Variants in WDR38 observed in about 807,000 individuals in gnomAD.
The protein encoded by WDR38 is WD repeat domain 38.
In WDR38, 37 loss-of-function variants were observed where a neutral mutation model predicts 36.6. That is an observed-to-expected ratio of 1.01 (90% CI 0.78 to 1.33). The LOEUF is 1.33. Ranked by LOEUF, WDR38 falls within the 40% of genes most tolerant of loss-of-function variation. The pLI, the probability that WDR38 is intolerant of heterozygous loss-of-function variation, is 0.00. For synonymous variants in WDR38, 164 were observed against 168.1 expected (o/e 0.98, Z 0.19); for missense variants, 411 against 414.6 (o/e 0.99, Z 0.07).
chr9:124,854,306 G>C lies in WDR38; in HGVS notation c.171G>C (p.Trp57Cys). ...AGACCCGGAGTGGGCAGCTGCTGTGGAGGCTGGGTGGCCACACAGGTGGGG... is the reference window on the plus strand; with the variant it reads ...AGACCCGGAGTGGGCAGCTGCTGTGCAGGCTGGGTGGCCACACAGGTGGGG... The part of the protein sequence containing the change: ...GWETRSGQLL[W>C]RLGGHTGPVK... The change falls in exon 2 of 9, where the codon TGG (tryptophan) becomes TGC (cysteine). Residue 57 changes from tryptophan (W) to cysteine (C), a missense_variant. Trp to Cys is a radical substitution (Grantham distance 215). Transcript: ENST00000373574. 1 of 1,613,896 alleles carries C rather than the reference G, an allele frequency of 6.2e-7. No individual in the cohort carries two copies. Among genetic ancestry groups the C allele is most frequent in the East Asian group, 2.2e-5 (1 of 44,866 alleles).
In WDR38 at chr9:124,857,402, G is replaced by GC. The variant is rs2131321623; in HGVS notation, c.807_808insC (p.Thr270HisfsTer30). On this transcript the variant is annotated frameshift_variant, in exon 8 of 9. Coordinates refer to ENST00000373574, the MANE Select transcript of WDR38 (RefSeq NM_001045476.3). LOFTEE classifies it low-confidence loss of function (END_TRUNC). The stretch of plus-strand genomic sequence containing the variant: ...ACTGCAACACAGGAAAGTGCCTTGA[G>GC]ACCCTGAAGGTAAGGCACGGCGCTG... 1 of 1,614,142 alleles carries GC rather than the reference G, an allele frequency of 6.2e-7. No homozygotes were observed. Among genetic ancestry groups the GC allele is most frequent in the East Asian group, 2.2e-5 (1 of 44,866 alleles).
intron 2 of WDR38, 68 bp from the exon 3 acceptor site, chr9:124,855,566 A>C: frequency 3.4e-6 from 5 of 1,482,330 alleles, no homozygotes; most frequent in Non-Finnish European, 4.6e-6. Flanking sequence ...AGAAATTAGC[A>C]AGGATTGGAC....
At position 124,856,571 on chromosome 9, in the gene WDR38, T is replaced by C; in HGVS notation, c.589T>C (p.Cys197Arg). Reference sequence around the variant, plus strand: ...AGAGGGACACAGTGCCAACATCAGCTGCCTGTGCTATTCAGCATCCGGCCT... The same window carrying C: ...AGAGGGACACAGTGCCAACATCAGCCGCCTGTGCTATTCAGCATCCGGCCT... ...ALEGHSANIS[C>R]LCYSASGLLA... The change falls in exon 6 of 9, where the codon TGC becomes CGC. Residue 197 changes from cysteine to arginine, a missense_variant. By Grantham distance (180) the Cys-to-Arg change is radical. Coordinates refer to ENST00000373574, the MANE Select transcript of WDR38 (RefSeq NM_001045476.3). The C allele has an allele frequency of 6.2e-7, 1 of 1,613,918 alleles. No homozygotes were observed.
rs368746347 is a variant in WDR38, at chr9:124,854,347, G to A, written c.190+22G>A. 9.7e-5 allele frequency: 157 copies of A among 1,612,152 alleles called. 1 individual carries two copies. The highest frequency in any genetic ancestry group is 7.4e-4 in the East Asian group (33 of 44,840). On this transcript the variant is annotated intron_variant, in intron 2 of 8. Coordinates refer to ENST00000373574, the MANE Select transcript of WDR38 (RefSeq NM_001045476.3). ...ACAGGTGGGGCTCCCACACCTGGCC[G>A]GGAAGACCGAGGCACAAGGGTCTGG...
chr9:124,855,872 A>T lies in WDR38; in HGVS notation c.319A>T (p.Ser107Cys), dbSNP rs868451196. Residue 107 changes from serine (S) to cysteine (C), a missense_variant, in exon 4 of 9, where the codon AGT becomes TGT. Ser to Cys is a moderately radical substitution (Grantham distance 112). Coordinates refer to ENST00000373574, the MANE Select transcript of WDR38 (RefSeq NM_001045476.3). ...CLRVLKGHQR[S>C]VETVSFSPDS... Reference sequence around the variant, plus strand: ...GCTGGTGCCTGCAGGTCACCAACGGAGTGTGGAGACGGTCAGCTTCAGCCC... The same window carrying T: ...GCTGGTGCCTGCAGGTCACCAACGGTGTGTGGAGACGGTCAGCTTCAGCCC... 9 of 1,613,838 alleles carry T rather than the reference A, an allele frequency of 5.6e-6. No homozygotes were observed. The Middle Eastern group carries it at 4.9e-4, about 88-fold the overall frequency.
At chr9:124,855,579 C>A in intron 2 of WDR38, 55 bp from the exon 3 acceptor site, 2 of 1,541,278 alleles carry the variant, frequency 1.3e-6, no homozygotes, top group East Asian at 4.5e-5. Flanking sequence ...GATTGGACTG[C>A]GTGGGCAGAA....
Position 124,856,571 on chromosome 9 carries a change from TGCCTGTGCTATTCAGCA to T in WDR38, c.590_606del (p.Cys197PhefsTer67). 1.2e-6 allele frequency: 2 copies of T among 1,613,918 alleles called. No individual in the cohort carries two copies. Among genetic ancestry groups the T allele is most frequent in the Non-Finnish European group, 1.7e-6 (2 of 1,179,946 alleles). On this transcript the variant is annotated frameshift_variant, in exon 6 of 9. Transcript: ENST00000373574. LOFTEE classifies it high-confidence loss of function. ...AGAGGGACACAGTGCCAACATCAGC[TGCCTGTGCTATTCAGCA>T]TCCGGCCTCCTGGTAAGTGGGGTGT...
At position 124,854,402 on chromosome 9, in the gene WDR38, C is replaced by T. The variant is rs983636852; in HGVS notation, c.190+77C>T. The T allele has an allele frequency of 5.0e-6, 8 of 1,593,736 alleles. No homozygotes were observed. In the East Asian group the frequency reaches 9.0e-5, roughly 18 times the overall value. ...CTGCAGAGCTGACTGCAGTGACCTC[C>T]GATGAGCTGGGCACGGGTGCAAGGC... On this transcript the variant is annotated intron_variant, in intron 2 of 8. Coordinates refer to ENST00000373574, the MANE Select transcript of WDR38 (RefSeq NM_001045476.3).
At chr9:124,855,294 A>G (rs1425420813) in intron 2 of WDR38, among the ~76,000 whole-genome samples, 1 of 152,248 alleles carries the variant, frequency 6.6e-6, no homozygotes, top group African/African-American at 2.4e-5. Flanking sequence ...AAGAAAAAAT[A>G]TCAGGCAATT....
chr9:124,853,489 G>A lies in WDR38; in HGVS notation c.-43G>A. ...TGCCCAGTCCTGGGGTCCCGCGGCC[G>A]CCTAGGAGGGAGCCCGCCGGGGCGG... On this transcript the variant is annotated 5_prime_UTR_variant, in exon 1 of 9. Coordinates refer to ENST00000373574, the MANE Select transcript of WDR38 (RefSeq NM_001045476.3). The A allele has an allele frequency of 1.6e-6, 2 of 1,215,664 alleles. No homozygotes were observed. The highest frequency in any genetic ancestry group is 4.3e-5 in the South Asian group (1 of 23,498). The allele number at this position is 1,215,664 out of a possible 1,614,324, so 75.3% of individuals were successfully genotyped here.
chr9:124,853,710 G>A (rs900425594), intron 1 of WDR38, 110 bp downstream of exon 1: 19 of 863,248 alleles, frequency 2.2e-5, no homozygotes, highest in Middle Eastern at 2.4e-4. Flanking sequence ...TCAGGACATT[G>A]AGTCCAGAGT....
intron 2 of WDR38, among the ~76,000 whole-genome samples, chr9:124,854,650 C>T (rs1027880493): frequency 3.9e-5 from 6 of 152,178 alleles, no homozygotes; most frequent in African/African-American, 1.4e-4. Context: ...CTGCAACCCC[C>T]GCCTCCTGGG....
At chr9:124,855,557 G>T in intron 2 of WDR38, 77 bp from the exon 3 acceptor site, 1 of 1,448,936 alleles carries the variant, frequency 6.9e-7, no homozygotes, top group South Asian at 1.2e-5. Context: ...CGAGGCTGGA[G>T]AAATTAGCAA....
intron 1 of WDR38, 148 bp from the exon 2 acceptor site, chr9:124,854,057 G>A: frequency 7.6e-7 from 1 of 1,315,786 alleles, no homozygotes; most frequent in East Asian, 2.4e-5. Context: ...AGAGGGCCCA[G>A]TGGGTCCCGG....
At chr9:124,857,237 G>T (rs553668753) in intron 7 of WDR38, 127 bp from the exon 8 acceptor site, 3 of 1,273,158 alleles carry the variant, frequency 2.4e-6, no homozygotes, top group South Asian at 1.2e-5. Context: ...GGAGGTAGGT[G>T]AATCACCTGA....
rs773489810 is a variant in WDR38 at position 124,857,592 on chromosome 9, T to C, written c.907T>C (p.Ser303Pro). 1 of 1,614,046 alleles carries C rather than the reference T, an allele frequency of 6.2e-7. No homozygotes were observed. Among genetic ancestry groups the C allele is most frequent in the East Asian group, 2.2e-5 (1 of 44,872 alleles). Residue 303 changes from serine (S) to proline (P), a missense_variant, in exon 9 of 9, where the codon TCC becomes CCC. Ser to Pro is a moderately conservative substitution (Grantham distance 74). Coordinates refer to ENST00000373574, the MANE Select transcript of WDR38 (RefSeq NM_001045476.3). ...TGCCGATCAGACTAGACGTCAAATA[T>C]CCCGCACGTCCAAATCACCCAGGGA... ...GAADQTRRQI[S>P]RTSKSPRDPQ...
rs1162594071 is a variant in WDR38, at chr9:124,854,235, C to G, written c.100C>G (p.Gln34Glu). ...VNSSAFSPDGQMLLTGSEDGC... is the reference protein window; with the variant it reads ...VNSSAFSPDGEMLLTGSEDGC... ...CTCTTCTGCCTTCTCCCCTGATGGCCAGATGCTGCTCACAGGCTCAGAAGA... is the reference window on the plus strand; with the variant it reads ...CTCTTCTGCCTTCTCCCCTGATGGCGAGATGCTGCTCACAGGCTCAGAAGA... Residue 34 changes from glutamine (Q) to glutamate (E), a missense_variant, in exon 2 of 9, where the codon CAG becomes GAG. Transcript: ENST00000373574. 3.1e-6 allele frequency: 5 copies of G among 1,614,186 alleles called. 1 individual carries two copies. The South Asian group carries it at 5.5e-5, about 18-fold the overall frequency.
intron 1 of WDR38, among the ~76,000 whole-genome samples, chr9:124,853,826 C>T (rs774723453): frequency 1.3e-5 from 2 of 152,192 alleles, no homozygotes; most frequent in Non-Finnish European, 2.9e-5. Flanking sequence ...AAAAGAGCCC[C>T]GGGCTCTGGG....
chr9:124,857,267 G>T, intron 7 of WDR38, 97 bp from the exon 8 acceptor site: 1 of 1,503,974 alleles, frequency 6.6e-7, no homozygotes, highest in South Asian at 1.1e-5. Flanking sequence ...TTCAGGCGAA[G>T]ACTCATCTCA....
Sources: gnomAD v4.1 joint callset for allele counts (sites outside exome capture counted in the v4.1 genomes callset) on GRCh38, gnomAD v4.1.1 for gene constraint, MANE v1.5 for transcripts, NCBI Gene and HGNC (gene_info 2026-07-23, HGNC 2026-07-21) for gene names.